The following CADPS variants were observed in gnomAD, a reference collection of about 807,000 sequenced individuals.
The protein encoded by CADPS is calcium dependent secretion activator, also known as calcium-dependent secretion activator 1.
A neutral mutation model predicts 167.3 loss-of-function variants in CADPS; 57 were observed. The ratio of observed to expected loss-of-function variants is 0.34; its 90% CI spans 0.28 to 0.42. The LOEUF (loss-of-function observed/expected upper bound fraction) is 0.42. CADPS is among the 20% of genes least tolerant of loss of function. CADPS has a pLI of 1.00. For missense variants in CADPS, 1,414 were observed against 1,738.1 expected (o/e 0.81, Z 3.32); for synonymous variants, 676 against 635.3 (o/e 1.06, Z -0.96).
intron 26 of CADPS, among the ~76,000 whole-genome samples, chr3:62,464,289 A>C (rs2059698368): frequency 6.6e-6 from 1 of 152,210 alleles, no homozygotes; most frequent in Non-Finnish European, 1.5e-5. Context: ...TTGGATTCCA[A>C]GGACAATAAT....
Position 62,874,503 on chromosome 3 carries a change from C to A in CADPS, c.441+86G>T. On this transcript the variant is annotated intron_variant, in intron 1 of 29. Coordinates refer to ENST00000383710, the MANE Select transcript of CADPS (RefSeq NM_003716.4). This position sits in a 1 kb window ranked among gnomAD's most constrained non-coding sequence, Gnocchi z 7.1. ...TCTCCACCTCTCCTGCTCCTCCTCG[C>A]CAGCTGCGCCGCCAGCTCCCATTGT... 1 of 1,066,024 alleles carries A rather than the reference C, an allele frequency of 9.4e-7. No homozygotes were observed. The highest frequency in any genetic ancestry group is 2.7e-5 in the East Asian group (1 of 37,368). The allele number at this position is 1,066,024 out of a possible 1,614,324, so 66.0% of individuals were successfully genotyped here. A position where few individuals can be genotyped will look rare whatever the true frequency, so the allele number is the denominator to read the frequency against.
intron 3 of CADPS, among the ~76,000 whole-genome samples, chr3:62,686,012 T>A (rs1337607822): frequency 6.6e-6 from 1 of 151,992 alleles, no homozygotes; most frequent in Non-Finnish European, 1.5e-5. Context: ...CACAAAGAAA[T>A]AAAATCTGAG....
chr3:62,619,104 A>G (rs981894141), intron 6 of CADPS, among the ~76,000 whole-genome samples: 2 of 152,222 alleles, frequency 1.3e-5, no homozygotes, highest in African/African-American at 4.8e-5. Context: ...CTAATTTCAT[A>G]CTACACTGGT....
chr3:62,432,058 A>C (rs1403583942), intron 28 of CADPS, among the ~76,000 whole-genome samples: 1 of 151,850 alleles, frequency 6.6e-6, no homozygotes, highest in African/African-American at 2.4e-5. Context: ...CCCACCCCCC[A>C]AAACCCTGAA....
intron 1 of CADPS, among the ~76,000 whole-genome samples, chr3:62,803,432 T>C (rs1283598627): frequency 2.0e-5 from 3 of 151,904 alleles, no homozygotes; most frequent in Non-Finnish European, 4.4e-5. Context: ...GACATATTTT[T>C]TAGCTGTCAC....
intron 6 of CADPS, among the ~76,000 whole-genome samples, chr3:62,621,254 G>A (rs912036475): frequency 6.6e-6 from 1 of 152,066 alleles, no homozygotes; most frequent in Non-Finnish European, 1.5e-5. Flanking sequence ...AGGGAAGTAC[G>A]GAGGATGGGG....
At chr3:62,567,357 G>C (rs1467706915) in intron 9 of CADPS, among the ~76,000 whole-genome samples, 1 of 151,674 alleles carries the variant, frequency 6.6e-6, no homozygotes, top group East Asian at 1.9e-4. Flanking sequence ...TCTTTTCTTT[G>C]CCAGACACTG....
At chr3:62,825,753 C>T (rs889882526) in intron 1 of CADPS, among the ~76,000 whole-genome samples, 2 of 152,146 alleles carry the variant, frequency 1.3e-5, no homozygotes, top group African/African-American at 4.8e-5. Flanking sequence ...ACTTTGAAAA[C>T]AGCTCTTCAT....
At chr3:62,718,000 A>T (rs1230938405) in intron 3 of CADPS, among the ~76,000 whole-genome samples, 1 of 150,670 alleles carries the variant, frequency 6.6e-6, no homozygotes, top group African/African-American at 2.4e-5. Flanking sequence ...CTCAATGTTT[A>T]TTTCTTGGGC....
chr3:62,778,315 G>T (rs1397928482), intron 1 of CADPS, among the ~76,000 whole-genome samples: 1 of 152,154 alleles, frequency 6.6e-6, no homozygotes, highest in African/African-American at 2.4e-5. Context: ...TGTCCCTGTG[G>T]TTAGTTAACA....
intron 1 of CADPS, among the ~76,000 whole-genome samples, chr3:62,770,065 TACTCTGGTCTCCAGCAC>T (rs2088181221): frequency 6.6e-6 from 1 of 152,206 alleles, no homozygotes; most frequent in Non-Finnish European, 1.5e-5. Context: ...GCTCTTTACT[TACTCTGGTCTCCAGCAC>T]ACTGGTGTCT....
At chr3:62,402,605 A>G (rs1706780231) in intron 29 of CADPS, among the ~76,000 whole-genome samples, 1 of 152,232 alleles carries the variant, frequency 6.6e-6, no homozygotes, top group African/African-American at 2.4e-5. Flanking sequence ...TTGTAAGACG[A>G]ACTACTTCAA....
At chr3:62,576,131 G>A (rs2082221219) in intron 8 of CADPS, among the ~76,000 whole-genome samples, 1 of 152,198 alleles carries the variant, frequency 6.6e-6, no homozygotes, top group African/African-American at 2.4e-5. Context: ...CTATTTGTGT[G>A]GGCATTAGTG....
rs192696038 is a variant in CADPS, at chr3:62,495,155, T to G, written c.2707-1490A>C. ...CGATGACTACTGTGGCATGAATCAT[T>G]GCTATTGGAGTCTGGTAGAACAGTT... On this transcript the variant is annotated intron_variant, in intron 18 of 29. Transcript: ENST00000383710. Among the ~76,000 whole-genome samples, 823 of 152,300 alleles carry G rather than the reference T, an allele frequency of 5.4e-3. 5 individuals carry two copies. The highest frequency in any genetic ancestry group is 0.018 in the African/African-American group (756 of 41,550).
At chr3:62,827,944 C>A (rs1287369993) in intron 1 of CADPS, among the ~76,000 whole-genome samples, 3 of 152,136 alleles carry the variant, frequency 2.0e-5, no homozygotes, top group Non-Finnish European at 4.4e-5. Context: ...CTCAGTAGAA[C>A]ATTTTACAAA....
chr3:62,647,352 A>T (rs938106), intron 5 of CADPS, among the ~76,000 whole-genome samples: 70,798 of 151,994 alleles, frequency 0.47, 17,657 homozygotes, highest in East Asian at 0.68. Context: ...AATCATTTAT[A>T]GGGCTTGTTA....
At chr3:62,811,569 C>T (rs1386787082) in intron 1 of CADPS, among the ~76,000 whole-genome samples, 1 of 152,188 alleles carries the variant, frequency 6.6e-6, no homozygotes, top group Non-Finnish European at 1.5e-5. Context: ...TCCCATCATT[C>T]AAAGCCCAGC....
At chr3:62,683,970 G>C (rs147487199) in intron 3 of CADPS, among the ~76,000 whole-genome samples, 75 of 152,062 alleles carry the variant, frequency 4.9e-4, no homozygotes, top group African/African-American at 1.8e-3. Flanking sequence ...CTGATCACCT[G>C]GCTAAGGCAA....
chr3:62,860,504 A>C (rs1475745450), intron 1 of CADPS, among the ~76,000 whole-genome samples: 1 of 152,192 alleles, frequency 6.6e-6, no homozygotes, highest in Non-Finnish European at 1.5e-5. Context: ...TGGAACCTGC[A>C]TAGGAAGTCA....
Sources: gnomAD v4.1 joint callset for allele counts (sites outside exome capture counted in the v4.1 genomes callset) on GRCh38, gnomAD v4.1.1 for gene constraint, Gnocchi (gnomAD v3.1) non-coding constraint, MANE v1.5 for transcripts, NCBI Gene and HGNC (gene_info 2026-07-23, HGNC 2026-07-21) for gene names.